Variants in VRK3 observed in about 807,000 individuals in gnomAD.
The protein encoded by VRK3 is VRK serine/threonine kinase 3, also known as serine/threonine-protein kinase VRK3.
In VRK3, 50 loss-of-function variants were observed where a neutral mutation model predicts 60.4. The observed-to-expected ratio is 0.83, with a 90% CI of 0.66 to 1.05. The LOEUF is 1.05. Among genes scored for constraint, VRK3 ranks in the 50% least tolerant of loss-of-function variants. VRK3 has a pLI of 0.00. For synonymous variants in VRK3, 246 were observed against 227.8 expected, an observed-to-expected ratio of 1.08 and a Z score of -0.72; for missense variants, 549 against 585.3, an observed-to-expected ratio of 0.94 and a Z score of 0.64.
intron 11 of VRK3, among the ~76,000 whole-genome samples, chr19:49,988,898 C>T (rs1247421127): frequency 6.6e-6 from 1 of 152,212 alleles, no homozygotes; most frequent in Non-Finnish European, 1.5e-5. Flanking sequence ...ACACAGAACA[C>T]ACGGGAGCCC....
chr19:50,017,574 CAAAAAA>C, intron 2 of VRK3, among the ~76,000 whole-genome samples: 1 of 39,174 alleles, frequency 2.6e-5, no homozygotes, highest in East Asian at 8.7e-4. Context: ...AACTCTGCCT[CAAAAAA>C]AAAAAAAAAA....
intron 11 of VRK3, among the ~76,000 whole-genome samples, chr19:49,989,210 A>G (rs898102264): frequency 6.6e-6 from 1 of 152,206 alleles, no homozygotes; most frequent in Non-Finnish European, 1.5e-5. Flanking sequence ...CCCTCTTCCT[A>G]GTCTGTACAC....
chr19:49,994,123 T>C (rs549111265), intron 9 of VRK3, among the ~76,000 whole-genome samples: 2 of 152,136 alleles, frequency 1.3e-5, no homozygotes, highest in Non-Finnish European at 2.9e-5. Flanking sequence ...ATAAAGACCT[T>C]AGGACTCAGC....
At chr19:50,004,517 G>C (rs28637413) in intron 5 of VRK3, among the ~76,000 whole-genome samples, 8,064 of 152,124 alleles carry the variant, frequency 0.053, 684 homozygotes, top group African/African-American at 0.18. Flanking sequence ...GTGCCCTTGG[G>C]CAAGTAGCTT....
chr19:49,980,598 C>G (rs1474200472), intron 13 of VRK3, among the ~76,000 whole-genome samples: 1 of 151,798 alleles, frequency 6.6e-6, no homozygotes, highest in South Asian at 2.1e-4. Context: ...ACGCCTATAA[C>G]CCCAGCTACT....
At chr19:50,024,341 C>A (rs2077226902) in intron 1 of VRK3, among the ~76,000 whole-genome samples, 1 of 152,182 alleles carries the variant, frequency 6.6e-6, no homozygotes, top group Non-Finnish European at 1.5e-5. Flanking sequence ...TTTAAAAATT[C>A]TAAATAGTCA....
intron 3 of VRK3, 64 bp downstream of exon 3, chr19:50,015,960 C>T: frequency 6.2e-7 from 1 of 1,603,944 alleles, no homozygotes; most frequent in South Asian, 1.1e-5. Context: ...CCTCCCTCCG[C>T]AGACACACAC....
In VRK3 at chr19:49,987,276, T is replaced by C. The variant is rs74484279; in HGVS notation, c.1217+1096A>G. ...ACTCATACCCACAGCGCTTCCCTTT[T>C]GTGCTCCGCTGTCCCTGGTGCTGAA... On this transcript the variant is annotated intron_variant, in intron 12 of 14. Transcript: ENST00000316763. Among the ~76,000 whole-genome samples the C allele has an allele frequency of 1.9e-3, 286 of 152,218 alleles. 2 individuals carry two copies. Among genetic ancestry groups the C allele is most frequent in the African/African-American group, 6.6e-3 (273 of 41,518 alleles).
intron 12 of VRK3, chr19:49,988,063 GAACTCTTTGCAGTCCCATAAGGTA>G: frequency 4.5e-6 from 1 of 221,600 alleles, no homozygotes; most frequent in Middle Eastern, 1.8e-3. Context: ...TGACTTCCCT[GAACTCTTTGCAGTCCCATAAGGTA>G]GTAGCTAGTA....
At chr19:49,995,674 C>A (rs1284613368) in intron 7 of VRK3, among the ~76,000 whole-genome samples, 1 of 152,208 alleles carries the variant, frequency 6.6e-6, no homozygotes, top group Non-Finnish European at 1.5e-5. Context: ...TGGACCAGAA[C>A]CAATGGCGAG....
intron 1 of VRK3, among the ~76,000 whole-genome samples, chr19:50,021,474 C>A (rs915670355): frequency 6.6e-6 from 1 of 152,178 alleles, no homozygotes; most frequent in Non-Finnish European, 1.5e-5. Context: ...CCTAAAGTAG[C>A]CCAGGCAGAG....
chr19:50,000,396 T>A (rs1471546939), intron 6 of VRK3: 1 of 227,096 alleles, frequency 4.4e-6, no homozygotes, highest in Non-Finnish European at 8.9e-6. Context: ...GGTTCTCTTT[T>A]GGACCCCACA....
At chr19:50,002,380 G>A (rs779314138) in intron 5 of VRK3, among the ~76,000 whole-genome samples, 2 of 152,000 alleles carry the variant, frequency 1.3e-5, no homozygotes, top group Admixed American at 6.6e-5. Context: ...CCCGCATCTC[G>A]GGGAAAGAAA....
intron 3 of VRK3, among the ~76,000 whole-genome samples, chr19:50,013,365 A>C (rs2077026089): frequency 6.6e-6 from 1 of 152,184 alleles, no homozygotes; most frequent in African/African-American, 2.4e-5. Flanking sequence ...CATCATGGGG[A>C]CACCATCCCA....
chr19:50,007,960 G>A, intron 4 of VRK3, 134 bp from the exon 5 acceptor site: 1 of 1,301,954 alleles, frequency 7.7e-7, no homozygotes, highest in Non-Finnish European at 1.0e-6. Flanking sequence ...GACCTTCTAT[G>A]AGTCAGGCCT....
intron 6 of VRK3, chr19:50,000,057 C>T (rs1013094514): frequency 2.0e-5 from 3 of 152,298 alleles, no homozygotes; most frequent in Admixed American, 6.5e-5. Flanking sequence ...CTCTCATGGC[C>T]TCCACCTAGG....
At position 50,005,363 on chromosome 19, in the gene VRK3, C is replaced by T. The variant is rs2076874712; in HGVS notation, c.547+2206G>A. Reference sequence around the variant, plus strand: ...ATTGTCTACGTGCCTGTCTGGCCAGCAGGCACTTCCAATTCAAAGATTTCC... The same window carrying T: ...ATTGTCTACGTGCCTGTCTGGCCAGTAGGCACTTCCAATTCAAAGATTTCC... On this transcript the variant is annotated intron_variant, in intron 5 of 14. Transcript: ENST00000316763. Among the ~76,000 whole-genome samples the T allele has an allele frequency of 1.3e-5, 2 of 149,318 alleles. 1 individual carries two copies. The highest frequency in any genetic ancestry group is 5.2e-5 in the African/African-American group (2 of 38,692).
intron 12 of VRK3, 191 bp downstream of exon 12, chr19:49,988,181 G>C: frequency 1.3e-6 from 1 of 753,810 alleles, no homozygotes; most frequent in Non-Finnish European, 1.9e-6. Flanking sequence ...AGCCCAGGCA[G>C]TGTGGCTCCG....
chr19:49,991,488 T>A (rs1275573672), intron 10 of VRK3, among the ~76,000 whole-genome samples: 2 of 151,918 alleles, frequency 1.3e-5, no homozygotes, highest in Non-Finnish European at 2.9e-5. Flanking sequence ...GCTTCCATTA[T>A]CAATAAGCCA....
Sources: gnomAD v4.1 joint callset for allele counts (sites outside exome capture counted in the v4.1 genomes callset) on GRCh38, gnomAD v4.1.1 for gene constraint, MANE v1.5 for transcripts, NCBI Gene and HGNC (gene_info 2026-07-23, HGNC 2026-07-21) for gene names.